Variants in LRRC4C observed in about 807,000 individuals in gnomAD.
LRRC4C encodes the protein leucine rich repeat containing 4C, also known as leucine-rich repeat-containing protein 4C.
In LRRC4C, 5 loss-of-function variants were observed where a neutral mutation model predicts 33.6. That is an observed-to-expected ratio of 0.15 (90% confidence interval 0.08 to 0.31). The LOEUF (loss-of-function observed/expected upper bound fraction) is 0.31, where lower values mean the gene tolerates loss of function less well. Among genes scored for constraint, LRRC4C ranks in the 10% least tolerant of loss-of-function variants. LRRC4C has a pLI of 1.00. For missense variants in LRRC4C, 560 were observed against 796.7 expected, an observed-to-expected ratio of 0.70 and a Z score of 3.58; for synonymous variants, 329 against 302.0, an observed-to-expected ratio of 1.09 and a Z score of -0.93.
intron 1 of LRRC4C, among the ~76,000 whole-genome samples, chr11:41,451,432 G>C (rs1018982634): frequency 6.6e-6 from 1 of 151,872 alleles, no homozygotes; most frequent in African/African-American, 2.4e-5. Flanking sequence ...AATTAGTCTT[G>C]GAGAAAAATA....
At chr11:40,322,251 C>T (rs897620260) in intron 3 of LRRC4C, among the ~76,000 whole-genome samples, 1 of 149,694 alleles carries the variant, frequency 6.7e-6, no homozygotes, top group Non-Finnish European at 1.5e-5. Flanking sequence ...AAGAAATTCA[C>T]TTTTTTTTTT....
intron 2 of LRRC4C, among the ~76,000 whole-genome samples, chr11:40,748,810 C>A (rs533661614): frequency 1.3e-5 from 2 of 152,108 alleles, no homozygotes; most frequent in Admixed American, 1.3e-4. Context: ...AAATGAAAGT[C>A]AATTGCCAAC....
At chr11:40,731,232 T>C (rs886853411) in intron 2 of LRRC4C, among the ~76,000 whole-genome samples, 3 of 152,050 alleles carry the variant, frequency 2.0e-5, no homozygotes, top group African/African-American at 7.2e-5. Flanking sequence ...GGCAGGAGAA[T>C]GGCGTGAACC....
At chr11:40,907,538 T>C (rs1024590415) in intron 2 of LRRC4C, among the ~76,000 whole-genome samples, 3 of 152,224 alleles carry the variant, frequency 2.0e-5, no homozygotes, top group Non-Finnish European at 4.4e-5. Flanking sequence ...CATTTAAAGA[T>C]AATTGCAGAG....
chr11:40,426,504 A>C (rs919083261), intron 3 of LRRC4C, among the ~76,000 whole-genome samples: 4 of 152,034 alleles, frequency 2.6e-5, no homozygotes, highest in African/African-American at 4.8e-5. Flanking sequence ...CTTTGCTCAA[A>C]TATCATCTTA....
At chr11:40,983,735 T>G (rs995593562) in intron 1 of LRRC4C, among the ~76,000 whole-genome samples, 1 of 152,074 alleles carries the variant, frequency 6.6e-6, no homozygotes, top group Non-Finnish European at 1.5e-5. Flanking sequence ...AATAAGTGTA[T>G]GAAAAAAAGC....
intron 3 of LRRC4C, among the ~76,000 whole-genome samples, chr11:40,539,632 A>G (rs1281443447): frequency 6.6e-6 from 1 of 152,188 alleles, no homozygotes; most frequent in Non-Finnish European, 1.5e-5. Flanking sequence ...TTTATTGAAT[A>G]TAAAACTACC....
chr11:40,885,755 G>A (rs1264830084), intron 2 of LRRC4C, among the ~76,000 whole-genome samples: 1 of 152,210 alleles, frequency 6.6e-6, no homozygotes, highest in East Asian at 1.9e-4. Context: ...TTTAGTCAGA[G>A]TACTTATCAT....
At chr11:41,133,850 C>A (rs930323408) in intron 1 of LRRC4C, among the ~76,000 whole-genome samples, 11 of 152,230 alleles carry the variant, frequency 7.2e-5, no homozygotes, top group African/African-American at 2.6e-4. Context: ...TAAACAACTG[C>A]AAATAAAAGA....
At chr11:40,945,413 T>C (rs187930812) in intron 1 of LRRC4C, among the ~76,000 whole-genome samples, 2 of 152,276 alleles carry the variant, frequency 1.3e-5, no homozygotes, top group Admixed American at 1.3e-4. Flanking sequence ...ATATTAACTA[T>C]CAATTTATAC....
chr11:40,650,558 T>C (rs116133812), intron 2 of LRRC4C, among the ~76,000 whole-genome samples: 1,888 of 152,292 alleles, frequency 0.012, 55 homozygotes, highest in African/African-American at 0.044. Context: ...TGCTGCCCAA[T>C]TCATGAATAA....
intron 2 of LRRC4C, among the ~76,000 whole-genome samples, chr11:40,832,376 C>T (rs533616650): frequency 6.6e-6 from 1 of 152,126 alleles, no homozygotes; most frequent in Admixed American, 6.6e-5. Context: ...AGAAAAATTA[C>T]TTTTGCATTA....
intron 3 of LRRC4C, among the ~76,000 whole-genome samples, chr11:40,362,096 CTA>C (rs1947981998): frequency 6.6e-6 from 1 of 152,088 alleles, no homozygotes; most frequent in Non-Finnish European, 1.5e-5. Context: ...TCCTTACACT[CTA>C]TACACAAATT....
chr11:40,554,084 A>C (rs1204207294), intron 3 of LRRC4C, among the ~76,000 whole-genome samples: 1 of 152,204 alleles, frequency 6.6e-6, no homozygotes, highest in Non-Finnish European at 1.5e-5. Context: ...TCCTACATTT[A>C]AGCCTTTAAT....
intron 2 of LRRC4C, among the ~76,000 whole-genome samples, chr11:40,787,266 G>GT (rs1200883971): frequency 1.3e-5 from 2 of 152,118 alleles, no homozygotes; most frequent in African/African-American, 2.4e-5. Flanking sequence ...CCAACTGGGG[G>GT]GGGTAGGGGG....
chr11:41,229,797 A>G (rs1947701135), intron 1 of LRRC4C, among the ~76,000 whole-genome samples: 1 of 152,094 alleles, frequency 6.6e-6, no homozygotes, highest in African/African-American at 2.4e-5. Flanking sequence ...CCGAGCATTT[A>G]ATGATTGTTT....
chr11:41,396,350 G>A (rs1953813420), intron 1 of LRRC4C, among the ~76,000 whole-genome samples: 1 of 152,012 alleles, frequency 6.6e-6, no homozygotes, highest in Admixed American at 6.6e-5. Context: ...GATAGGTATT[G>A]CAGTCTGACT....
intron 1 of LRRC4C, among the ~76,000 whole-genome samples, chr11:40,974,998 C>T (rs947362582): frequency 6.6e-6 from 1 of 152,140 alleles, no homozygotes; most frequent in African/African-American, 2.4e-5. Context: ...TCGGACTGAG[C>T]CAAGCTACCA....
chr11:40,555,906 T>G (rs969905938), intron 3 of LRRC4C, among the ~76,000 whole-genome samples: 3 of 152,236 alleles, frequency 2.0e-5, no homozygotes, highest in African/African-American at 7.2e-5. Flanking sequence ...ACCTTGATCA[T>G]GAAATGCATT....
Sources: allele counts gnomAD v4.1 joint callset (sites outside exome capture counted in the v4.1 genomes callset), GRCh38; gene constraint gnomAD v4.1.1; transcripts MANE v1.5; gene names NCBI Gene and HGNC (gene_info 2026-07-23, HGNC 2026-07-21).